The following TNNI3K variants were observed in gnomAD, a reference collection of about 807,000 sequenced individuals.
TNNI3K encodes the protein TNNI3 interacting kinase, also known as serine/threonine-protein kinase TNNI3K.
Under a neutral mutation model 114.5 loss-of-function variants are expected in TNNI3K, and 140 were observed. The ratio of observed to expected loss-of-function variants is 1.22; its 90% confidence interval spans 1.07 to 1.41. The LOEUF is 1.41. Among genes scored for constraint, TNNI3K ranks in the 40% most tolerant of loss-of-function variants. TNNI3K has a pLI of 0.00. For synonymous variants in TNNI3K, 347 were observed against 347.5 expected (o/e 1.00, Z 0.02); for missense variants, 1,125 against 1,007.6 (o/e 1.12, Z -1.58).
intron 5 of TNNI3K, among the ~76,000 whole-genome samples, chr1:74,307,076 T>C (rs1658688648): frequency 6.6e-6 from 1 of 152,232 alleles, no homozygotes; most frequent in Non-Finnish European, 1.5e-5. Flanking sequence ...CTTCTGAATA[T>C]GGCTAGCCAG....
chr1:74,504,366 A>G (rs987728077), intron 23 of TNNI3K, among the ~76,000 whole-genome samples: 1 of 152,156 alleles, frequency 6.6e-6, no homozygotes, highest in Non-Finnish European at 1.5e-5. Context: ...GGCCTCCTCC[A>G]GCCCTCCTGA....
At chr1:74,418,569 A>G (rs1665244959) in intron 17 of TNNI3K, among the ~76,000 whole-genome samples, 1 of 152,092 alleles carries the variant, frequency 6.6e-6, no homozygotes, top group Non-Finnish European at 1.5e-5. Flanking sequence ...AAATATTATA[A>G]AGTAGTCAAT....
intron 17 of TNNI3K, among the ~76,000 whole-genome samples, chr1:74,424,718 CA>C (rs71588833): frequency 0.075 from 8,545 of 113,602 alleles, 243 homozygotes; most frequent in African/African-American, 0.14. Context: ...GAGTCCATCT[CA>C]AAAAAAAAAA....
At chr1:74,530,776 A>G (rs1229845806) in intron 23 of TNNI3K, among the ~76,000 whole-genome samples, 1 of 149,476 alleles carries the variant, frequency 6.7e-6, no homozygotes, top group Non-Finnish European at 1.5e-5. Flanking sequence ...GATATGAAAG[A>G]TTTTGCTATA....
intron 23 of TNNI3K, among the ~76,000 whole-genome samples, chr1:74,493,602 A>T (rs879241142): frequency 6.6e-6 from 1 of 152,224 alleles, no homozygotes; most frequent in East Asian, 1.9e-4. Context: ...TCAGGGATAT[A>T]CAATCATAAT....
intron 23 of TNNI3K, among the ~76,000 whole-genome samples, chr1:74,510,775 T>C (rs1670148664): frequency 6.6e-6 from 1 of 152,238 alleles, no homozygotes; most frequent in Admixed American, 6.5e-5. Flanking sequence ...CTCACAAATG[T>C]GTGTTGATTT....
At chr1:74,397,133 AGCTCG>A (rs1205520048) in intron 17 of TNNI3K, among the ~76,000 whole-genome samples, 1 of 152,104 alleles carries the variant, frequency 6.6e-6, no homozygotes, top group Non-Finnish European at 1.5e-5. Flanking sequence ...GGCACACCAC[AGCTCG>A]GCTCAGGCAC....
chr1:74,361,828 AG>A (rs970247432), intron 11 of TNNI3K, among the ~76,000 whole-genome samples: 78 of 152,228 alleles, frequency 5.1e-4, no homozygotes, highest in African/African-American at 1.6e-3. Context: ...GGAAAGAGAA[AG>A]GAAAGCAGAA....
At chr1:74,254,399 A>G (rs1359321653) in intron 4 of TNNI3K, among the ~76,000 whole-genome samples, 1 of 152,226 alleles carries the variant, frequency 6.6e-6, no homozygotes, top group Non-Finnish European at 1.5e-5. Context: ...TGTCCAGGAT[A>G]GGATTCAATC....
At chr1:74,326,080 G>A (rs1008256024) in intron 5 of TNNI3K, among the ~76,000 whole-genome samples, 2 of 151,856 alleles carry the variant, frequency 1.3e-5, no homozygotes, top group Non-Finnish European at 2.9e-5. Context: ...GGAAAACATT[G>A]GTATAAGCAT....
chr1:74,492,273 G>A lies in TNNI3K; in HGVS notation c.2351+7G>A. The A allele has an allele frequency of 6.7e-7, 1 of 1,500,522 alleles. No individual in the cohort carries two copies. Among genetic ancestry groups the A allele is most frequent in the Non-Finnish European group, 9.0e-7 (1 of 1,109,592 alleles). The allele number at this position is 1,500,522 out of a possible 1,614,324, so 93.0% of individuals were successfully genotyped here. A position where few individuals can be genotyped will look rare whatever the true frequency, so the allele number is the denominator to read the frequency against. On this transcript the variant is annotated splice_region_variant and intron_variant, in intron 23 of 24. Transcript: ENST00000326637. Reference sequence around the variant, plus strand: ...ATGCTGCTTTGTCCCAAAGGTGAGTGGTAATATAAGCAAATCTCACAGTAA... The same window carrying A: ...ATGCTGCTTTGTCCCAAAGGTGAGTAGTAATATAAGCAAATCTCACAGTAA...
intron 21 of TNNI3K, chr1:74,480,097 G>T: frequency 1.5e-6 from 1 of 659,210 alleles, no homozygotes; most frequent in Non-Finnish European, 2.8e-6. Context: ...TTAGCATGCT[G>T]CAAAAATATG....
At chr1:74,409,759 G>T (rs1005889818) in intron 17 of TNNI3K, among the ~76,000 whole-genome samples, 3 of 152,132 alleles carry the variant, frequency 2.0e-5, no homozygotes, top group Non-Finnish European at 4.4e-5. Context: ...CACCCAAAGT[G>T]CAGGGATTAC....
chr1:74,422,813 A>T (rs1007778435), intron 17 of TNNI3K, among the ~76,000 whole-genome samples: 1 of 152,146 alleles, frequency 6.6e-6, no homozygotes, highest in Non-Finnish European at 1.5e-5. Flanking sequence ...CAGCAGGGAT[A>T]AAGCACAGAA....
intron 20 of TNNI3K, among the ~76,000 whole-genome samples, chr1:74,444,818 GAA>G (rs202232808): frequency 7.1e-6 from 1 of 141,642 alleles, no homozygotes. Context: ...ATGGTACTGG[GAA>G]AAAAAAAAAA....
At chr1:74,501,762 C>T (rs1669643504) in intron 23 of TNNI3K, among the ~76,000 whole-genome samples, 1 of 152,004 alleles carries the variant, frequency 6.6e-6, no homozygotes, top group African/African-American at 2.4e-5. Flanking sequence ...GCTGGGATTA[C>T]AAGCATGAGC....
chr1:74,370,345 G>T lies in TNNI3K; in HGVS notation c.1725G>T (p.Glu575Asp), dbSNP rs1404376190. Residue 575 changes from glutamate (E) to aspartate (D), a missense_variant, in exon 17 of 25, where the codon GAG becomes GAT. Coordinates refer to ENST00000326637, the MANE Select transcript of TNNI3K (RefSeq NM_015978.3). ...IIAVDVAKGM[E>D]YLHNLTQPII... The stretch of plus-strand genomic sequence containing the variant: ...CAGTAGATGTTGCCAAAGGCATGGA[G>T]TACCTTCACAACCTGACACAGCCAA... 1 of 1,607,920 alleles carries T rather than the reference G, an allele frequency of 6.2e-7. No homozygotes were observed. Among genetic ancestry groups the T allele is most frequent in the Admixed American group, 1.7e-5 (1 of 59,394 alleles).
chr1:74,493,436 G>C (rs1272911337), intron 23 of TNNI3K, among the ~76,000 whole-genome samples: 1 of 152,228 alleles, frequency 6.6e-6, no homozygotes, highest in South Asian at 2.1e-4. Flanking sequence ...AAGAGAAAAA[G>C]AAATCAACAT....
intron 20 of TNNI3K, among the ~76,000 whole-genome samples, chr1:74,460,152 T>A (rs1286669567): frequency 3.3e-5 from 5 of 151,972 alleles, no homozygotes; most frequent in Non-Finnish European, 5.9e-5. Context: ...CTCGACTCAC[T>A]GCAACCTCTG....
Sources: gnomAD v4.1 joint callset for allele counts (sites outside exome capture counted in the v4.1 genomes callset) on GRCh38, gnomAD v4.1.1 for gene constraint, MANE v1.5 for transcripts, NCBI Gene and HGNC (gene_info 2026-07-23, HGNC 2026-07-21) for gene names.